Variants in PERP observed in about 807,000 individuals in gnomAD.
The protein encoded by PERP is p53 apoptosis effector related to PMP22, also known as p53 apoptosis effector related to PMP-22.
Under a neutral mutation model 20.3 loss-of-function variants are expected in PERP, and 11 were observed. The ratio of observed to expected loss-of-function variants is 0.54; its 90% confidence interval spans 0.34 to 0.90. The LOEUF (loss-of-function observed/expected upper bound fraction) is 0.90. Ranked by LOEUF, PERP falls within the 40% of genes least tolerant of loss-of-function variation. The probability of loss-of-function intolerance (pLI) is 0.02; values close to 1 mark genes in which losing one functional copy is unlikely to be tolerated. For missense variants in PERP, 224 were observed against 249.4 expected, an observed-to-expected ratio of 0.90 and a Z score of 0.69; for synonymous variants, 101 against 102.0, an observed-to-expected ratio of 0.99 and a Z score of 0.06.
intron 1 of PERP, among the ~76,000 whole-genome samples, chr6:138,101,313 T>C (rs1775768960): frequency 1.3e-5 from 2 of 152,130 alleles, no homozygotes; most frequent in Non-Finnish European, 2.9e-5. Context: ...GAGGTTGCAG[T>C]GAGCCAAGAT....
rs551632192 is a variant in PERP, at chr6:138,089,754, A to G, written c.*2288T>C. The G allele has an allele frequency of 1.3e-5, 2 of 152,332 alleles. No individual in the cohort carries two copies. Among genetic ancestry groups the G allele is most frequent in the East Asian group, 3.9e-4 (2 of 5,188 alleles). 9.4% of individuals were successfully genotyped at this position (152,332 alleles called of 1,614,324 possible). A position where few individuals can be genotyped will look rare whatever the true frequency, so the allele number is the denominator to read the frequency against. ...GAATGGCAGATCTCTATACTAGAAC[A>G]AGGCTGAAGGAAGCAGACCATTTCT... is the stretch of plus-strand genomic sequence containing the variant. On this transcript the variant is annotated 3_prime_UTR_variant, in exon 3 of 3. Transcript: ENST00000421351.
In PERP at chr6:138,096,514, A is replaced by G; in HGVS notation, c.215-20T>C. ...CCCACGCTGCAAGAAAAAAAGAAAC[A>G]GCAATTAACAAGACAGACATACCAA... is the stretch of plus-strand genomic sequence containing the variant. On this transcript the variant is annotated intron_variant, in intron 1 of 2. Coordinates refer to ENST00000421351, the MANE Select transcript of PERP (RefSeq NM_022121.5). The G allele has an allele frequency of 6.3e-7, 1 of 1,599,546 alleles. No individual in the cohort carries two copies.
intron 1 of PERP, among the ~76,000 whole-genome samples, chr6:138,102,960 G>C (rs553349747): frequency 6.6e-6 from 1 of 151,646 alleles, no homozygotes; most frequent in Non-Finnish European, 1.5e-5. Context: ...TTAGCCGGGC[G>C]TGGTGGCGGG....
intron 2 of PERP, among the ~76,000 whole-genome samples, chr6:138,092,478 C>T (rs893227093): frequency 4.6e-5 from 7 of 152,162 alleles, no homozygotes; most frequent in Non-Finnish European, 7.3e-5. Flanking sequence ...AGCAGCATCA[C>T]ACACATATGC....
At chr6:138,094,270 T>C (rs1775640980) in intron 2 of PERP, among the ~76,000 whole-genome samples, 1 of 152,136 alleles carries the variant, frequency 6.6e-6, no homozygotes, top group African/African-American at 2.4e-5. Context: ...ATAAACTCAG[T>C]ATCTCTTAAA....
At chr6:138,101,970 G>T (rs928167665) in intron 1 of PERP, among the ~76,000 whole-genome samples, 12 of 152,120 alleles carry the variant, frequency 7.9e-5, no homozygotes, top group African/African-American at 1.4e-4. Context: ...AGATAATTCT[G>T]CTGTCCTGGT....
intron 1 of PERP, among the ~76,000 whole-genome samples, chr6:138,100,542 TTG>T (rs58385691): frequency 0.097 from 14,066 of 145,624 alleles, 745 homozygotes; most frequent in South Asian, 0.17. Flanking sequence ...TATACCAGAT[TTG>T]TGTGTGTGTG....
chr6:138,102,546 A>G (rs1287485796), intron 1 of PERP, among the ~76,000 whole-genome samples: 1 of 152,182 alleles, frequency 6.6e-6, no homozygotes, highest in Non-Finnish European at 1.5e-5. Context: ...CCTTCTAATT[A>G]TAACATCCCA....
rs8155 is a variant in PERP at position 138,090,933 on chromosome 6, G to A, written c.*1109C>T. 0.19 allele frequency: 29,249 copies of A among 152,416 alleles called. 3,044 individuals are homozygous for A. Among genetic ancestry groups the A allele is most frequent in the Non-Finnish European group, 0.22 (14,762 of 67,970 alleles). 9.4% of individuals were successfully genotyped at this position (152,416 alleles called of 1,614,324 possible). On this transcript the variant is annotated 3_prime_UTR_variant, in exon 3 of 3. Coordinates refer to ENST00000421351, the MANE Select transcript of PERP (RefSeq NM_022121.5). ...GGTAAAAAATCATAATGACCTATCC[G>A]ATGCATCATATATATGCTATTCAGA...
intron 1 of PERP, among the ~76,000 whole-genome samples, chr6:138,102,426 A>G (rs1775788238): frequency 6.6e-6 from 1 of 152,250 alleles, no homozygotes; most frequent in Admixed American, 6.5e-5. Context: ...GAAACAAACT[A>G]TCATCCAGGC....
chr6:138,103,876 A>G (rs1775808115), intron 1 of PERP, among the ~76,000 whole-genome samples: 1 of 152,240 alleles, frequency 6.6e-6, no homozygotes, highest in African/African-American at 2.4e-5. Flanking sequence ...TGACTTGGCC[A>G]ACAGCGATTT....
chr6:138,105,611 C>T (rs909647590), intron 1 of PERP, among the ~76,000 whole-genome samples: 3 of 152,320 alleles, frequency 2.0e-5, no homozygotes, highest in African/African-American at 7.2e-5. Context: ...CCAATATCCC[C>T]GCCACCAGTC....
intron 2 of PERP, among the ~76,000 whole-genome samples, chr6:138,095,110 T>G (rs572659650): frequency 2.8e-4 from 43 of 152,334 alleles, no homozygotes; most frequent in African/African-American, 8.4e-4. Context: ...TGTGTTTCTT[T>G]GCTAGAGTCT....
rs56962605 is a variant in PERP at position 138,092,359 on chromosome 6, G to A, written c.356-91C>T. ...GCGACAGATTACCTCCTTCCACCAAGTTTCTGCCTTGAAATAAGTATAAAA... is the reference window on the plus strand; with the variant it reads ...GCGACAGATTACCTCCTTCCACCAAATTTCTGCCTTGAAATAAGTATAAAA... On this transcript the variant is annotated intron_variant, in intron 2 of 2. Coordinates refer to ENST00000421351, the MANE Select transcript of PERP (RefSeq NM_022121.5). 2,320 of 1,150,270 alleles carry A rather than the reference G, an allele frequency of 2.0e-3. 36 individuals are homozygous for A. In the African/African-American group the frequency reaches 0.032, roughly 16 times the overall value. 71.3% of individuals were successfully genotyped at this position (1,150,270 alleles called of 1,614,324 possible).
At chr6:138,100,990 A>T (rs970476176) in intron 1 of PERP, among the ~76,000 whole-genome samples, 1 of 152,210 alleles carries the variant, frequency 6.6e-6, no homozygotes, top group African/African-American at 2.4e-5. Flanking sequence ...TTTTCCAGAA[A>T]TTACATACAA....
chr6:138,092,295 T>G (rs965909081), intron 2 of PERP, 27 bp from the exon 3 acceptor site: 18 of 1,543,270 alleles, frequency 1.2e-5, no homozygotes, highest in Non-Finnish European at 1.6e-5. Context: ...AATCCCAGGG[T>G]ATGAATGCAT....
rs756127990 is a variant in PERP at position 138,107,295 on chromosome 6, G to A, written c.46C>T (p.Pro16Ser). 4.4e-6 allele frequency: 7 copies of A among 1,607,740 alleles called. No individual in the cohort carries two copies. The highest frequency in any genetic ancestry group is 1.1e-5 in the South Asian group (1 of 90,780). ...LACERCRWIL[P>S]LLLLSAIAFD... ...GCGATGGCGCTGAGTAGGAGCAGGG[G>A]CAGGATCCAGCGGCAGCGCTCGCAG... The change falls in exon 1 of 3, where the codon CCC (proline) becomes TCC (serine). Residue 16 changes from proline to serine, a missense_variant. By Grantham distance (74) the Pro-to-Ser change is moderately conservative. Transcript: ENST00000421351. The surrounding 1 kb of genome is among the most constrained non-coding windows in gnomAD (Gnocchi z 4.8).
chr6:138,107,150 CCCT>C lies in PERP; in HGVS notation c.188_190del (p.Glu63del), dbSNP rs780688855. On this transcript the variant is annotated inframe_deletion, in exon 1 of 3. Coordinates refer to ENST00000421351, the MANE Select transcript of PERP (RefSeq NM_022121.5). The surrounding 1 kb of genome is among the most constrained non-coding windows in gnomAD (Gnocchi z 4.8). Reference sequence around the variant, plus strand: ...ACCGTACTCCATGAGGCTCTGACAGCCCTCCTCGTAGGACCCGCTGCCGCCGCC... The same window carrying C: ...ACCGTACTCCATGAGGCTCTGACAGCCCTCGTAGGACCCGCTGCCGCCGCC... The C allele has an allele frequency of 1.2e-6, 2 of 1,610,196 alleles. No homozygotes were observed. The highest frequency in any genetic ancestry group is 1.7e-6 in the Non-Finnish European group (2 of 1,178,848).
chr6:138,102,599 A>G (rs1339596370), intron 1 of PERP, among the ~76,000 whole-genome samples: 2 of 152,190 alleles, frequency 1.3e-5, no homozygotes. Flanking sequence ...GTTAGGGGAC[A>G]CTGAGAAAGG....
Sources: allele counts gnomAD v4.1 joint callset (sites outside exome capture counted in the v4.1 genomes callset), GRCh38; gene constraint gnomAD v4.1.1; non-coding constraint Gnocchi (gnomAD v3.1); transcripts MANE v1.5; gene names NCBI Gene and HGNC (gene_info 2026-07-23, HGNC 2026-07-21).